CAP1: variants seen among roughly 807,000 people sequenced by gnomAD.
CAP1 encodes the protein cyclase associated actin cytoskeleton regulatory protein 1, also known as adenylyl cyclase-associated protein 1.
A neutral mutation model predicts 58.2 loss-of-function variants in CAP1; 11 were observed. The ratio of observed to expected loss-of-function variants is 0.19; its 90% confidence interval spans 0.12 to 0.31. CAP1 has a LOEUF of 0.31. CAP1 is among the 10% of genes least tolerant of loss of function. The pLI, the probability that CAP1 is intolerant of heterozygous loss-of-function variation, is 1.00. For missense variants in CAP1, 423 were observed against 587.5 expected, an observed-to-expected ratio of 0.72 and a Z score of 2.89; for synonymous variants, 183 against 213.8, an observed-to-expected ratio of 0.86 and a Z score of 1.26.
intron 3 of CAP1, 141 bp from the exon 4 acceptor site, chr1:40,061,594 G>A (rs898478769): frequency 1.4e-6 from 1 of 725,116 alleles, no homozygotes. Context: ...CTCAGTCCCT[G>A]GAATCTGGAA....
Position 40,072,252 on chromosome 1 carries a change from G to C in CAP1, c.*719G>C, listed in dbSNP as rs74332992. ...CTTCCTATAGAGATGACTTTAAAAG[G>C]AAAAAAAAAAAAAAAAAAACCCACA... On this transcript the variant is annotated 3_prime_UTR_variant, in exon 13 of 13. Coordinates refer to ENST00000372805, the MANE Select transcript of CAP1 (RefSeq NM_006367.4). 3.1e-5 allele frequency: 5 copies of C among 160,316 alleles called. No homozygotes were observed. Among genetic ancestry groups the C allele is most frequent in the East Asian group, 8.2e-5 (1 of 12,196 alleles). The allele number at this position is 160,316 out of a possible 1,614,324, so 9.9% of individuals were successfully genotyped here. A position where few individuals can be genotyped will look rare whatever the true frequency, so the allele number is the denominator to read the frequency against.
chr1:40,059,032 T>TTTTTTTTTTTTTTTTTTTTTTTTG (rs1553163419), intron 1 of CAP1, among the ~76,000 whole-genome samples: 1 of 152,022 alleles, frequency 6.6e-6, no homozygotes, highest in African/African-American at 2.4e-5. Flanking sequence ...TCTAACTTTC[T>TTTTTTTTTTTTTTTTTTTTTTTTG]ACACACAGTA....
intron 6 of CAP1, among the ~76,000 whole-genome samples, chr1:40,065,795 A>G (rs1647042794): frequency 6.6e-6 from 1 of 152,242 alleles, no homozygotes; most frequent in Non-Finnish European, 1.5e-5. Flanking sequence ...TAGTCTTTAG[A>G]GTTCCACAGT....
At position 40,064,685 on chromosome 1, in the gene CAP1, C is replaced by T. The variant is rs528249616; in HGVS notation, c.524+126C>T. The T allele has an allele frequency of 1.8e-4, 129 of 725,580 alleles. No homozygotes were observed. The African/African-American group carries it at 2.0e-3, about 11-fold the overall frequency. 44.9% of individuals were successfully genotyped at this position (725,580 alleles called of 1,614,324 possible). A position where few individuals can be genotyped will look rare whatever the true frequency, so the allele number is the denominator to read the frequency against. ...TCAACCTCCCAGCTCAAACAATCCTCCCACCTCAGTCCTCCAAGTAGCTGG... is the reference window on the plus strand; with the variant it reads ...TCAACCTCCCAGCTCAAACAATCCTTCCACCTCAGTCCTCCAAGTAGCTGG... On this transcript the variant is annotated intron_variant, in intron 6 of 12. Transcript: ENST00000372805.
At position 40,072,257 on chromosome 1, in the gene CAP1, A is replaced by AG. The variant is rs1648184794; in HGVS notation, c.*724_*725insG. On this transcript the variant is annotated 3_prime_UTR_variant, in exon 13 of 13. Transcript: ENST00000372805. Reference sequence around the variant, plus strand: ...TATAGAGATGACTTTAAAAGGAAAAAAAAAAAAAAAAAAACCCACATGATT... The same window carrying AG: ...TATAGAGATGACTTTAAAAGGAAAAAGAAAAAAAAAAAAAACCCACATGATT... 3.6e-6 allele frequency: 1 copy of AG among 279,674 alleles called. No individual in the cohort carries two copies. Among genetic ancestry groups the AG allele is most frequent in the East Asian group, 4.4e-5 (1 of 22,614 alleles). The allele number at this position is 279,674 out of a possible 1,614,324, so 17.3% of individuals were successfully genotyped here. A position where few individuals can be genotyped will look rare whatever the true frequency, so the allele number is the denominator to read the frequency against.
At chr1:40,070,347 A>C in intron 10 of CAP1, 65 bp downstream of exon 10, 2 of 1,610,362 alleles carry the variant, frequency 1.2e-6, no homozygotes, top group Non-Finnish European at 1.7e-6. Context: ...ATACCATTTT[A>C]CCTACCCTAT....
chr1:40,068,651 C>CT (rs967374413), intron 8 of CAP1, among the ~76,000 whole-genome samples: 16 of 151,552 alleles, frequency 1.1e-4, no homozygotes, highest in African/African-American at 3.9e-4. Context: ...AAAAAAAAAT[C>CT]TAGTATGTAA....
chr1:40,067,574 C>A lies in CAP1; in HGVS notation c.665C>A (p.Ser222Tyr). The A allele has an allele frequency of 6.2e-7, 1 of 1,610,566 alleles. No homozygotes were observed. Among genetic ancestry groups the A allele is most frequent in the Admixed American group, 1.7e-5 (1 of 59,394 alleles). The change falls in exon 8 of 13, where the codon TCT becomes TAT. Residue 222 changes from serine (S) to tyrosine (Y), a missense_variant. Coordinates refer to ENST00000372805, the MANE Select transcript of CAP1 (RefSeq NM_006367.4). Reference protein sequence around the residue: ...PVAKELSGLPSGPSAGSCPPP... With the variant: ...PVAKELSGLPYGPSAGSCPPP... ...GCAAAAGAACTGAGCGGACTGCCAT[C>A]TGGACCCTCTGCCGGATCATGTCCT...
chr1:40,071,842 C>T lies in CAP1; in HGVS notation c.*309C>T, dbSNP rs1391056341. On this transcript the variant is annotated 3_prime_UTR_variant, in exon 13 of 13. Coordinates refer to ENST00000372805, the MANE Select transcript of CAP1 (RefSeq NM_006367.4). ...TAGCTTTGAGCTTTTGGGGGTTATT[C>T]TACCAACAAACAGTCCATTGGAAAG... is the stretch of plus-strand genomic sequence containing the variant. 17 of 467,022 alleles carry T rather than the reference C, an allele frequency of 3.6e-5. No individual in the cohort carries two copies. The highest frequency in any genetic ancestry group is 5.3e-5 in the Non-Finnish European group (14 of 264,220). 28.9% of individuals were successfully genotyped at this position (467,022 alleles called of 1,614,324 possible). A position where few individuals can be genotyped will look rare whatever the true frequency, so the allele number is the denominator to read the frequency against.
chr1:40,064,694 G>A lies in CAP1; in HGVS notation c.524+135G>A, dbSNP rs1570412572. On this transcript the variant is annotated intron_variant, in intron 6 of 12. Transcript: ENST00000372805. ...CAGCTCAAACAATCCTCCCACCTCA[G>A]TCCTCCAAGTAGCTGGGACTTCAGG... The A allele has an allele frequency of 2.0e-5, 14 of 695,874 alleles. No homozygotes were observed. The East Asian group carries it at 3.8e-4, about 19-fold the overall frequency. 43.1% of individuals were successfully genotyped at this position (695,874 alleles called of 1,614,324 possible).
rs759083145 is a variant in CAP1 at position 40,070,327 on chromosome 1, G to A, written c.1117+45G>A. The A allele has an allele frequency of 5.2e-5, 84 of 1,613,008 alleles. No homozygotes were observed. The Middle Eastern group carries it at 6.6e-4, about 13-fold the overall frequency. On this transcript the variant is annotated intron_variant, in intron 10 of 12. Transcript: ENST00000372805. ...CCACGCAAGCCCCGTCCCAGAGCCC[G>A]AGAAGGCTAATACCATTTTACCTAC...
At chr1:40,069,947 T>A in intron 9 of CAP1, 73 bp downstream of exon 9, 1 of 1,460,116 alleles carries the variant, frequency 6.8e-7, no homozygotes, top group Non-Finnish European at 9.1e-7. Flanking sequence ...TTTCACTTTG[T>A]CGCCCAGGCT....
intron 4 of CAP1, 79 bp downstream of exon 4, chr1:40,061,891 AT>A: frequency 9.2e-7 from 1 of 1,086,646 alleles, no homozygotes. Context: ...CTATTATAAC[AT>A]TTTAAAATAG....
At chr1:40,065,133 A>G (rs1283512245) in intron 6 of CAP1, among the ~76,000 whole-genome samples, 2 of 152,232 alleles carry the variant, frequency 1.3e-5, no homozygotes, top group African/African-American at 2.4e-5. Context: ...GCTGGCAGTA[A>G]CATGGACTAA....
At position 40,066,243 on chromosome 1, in the gene CAP1, G is replaced by A; in HGVS notation, c.553G>A (p.Ala185Thr). Residue 185 changes from alanine (A) to threonine (T), a missense_variant, in exon 7 of 13, where the codon GCT becomes ACT. Transcript: ENST00000372805. ...VDKKHVDWVK[A>T]YLSIWTELQA... The stretch of plus-strand genomic sequence containing the variant: ...TAAGAAGCATGTAGACTGGGTCAAA[G>A]CTTATTTAAGTATATGGACAGAGCT... 1 of 1,608,888 alleles carries A rather than the reference G, an allele frequency of 6.2e-7. No individual in the cohort carries two copies. The highest frequency in any genetic ancestry group is 1.1e-5 in the South Asian group (1 of 90,934).
intron 1 of CAP1, among the ~76,000 whole-genome samples, chr1:40,052,636 C>T (rs1646426855): frequency 6.6e-6 from 1 of 152,050 alleles, no homozygotes; most frequent in Non-Finnish European, 1.5e-5. Flanking sequence ...TTAAGCCATC[C>T]TCCTGCCTTG....
intron 1 of CAP1, among the ~76,000 whole-genome samples, chr1:40,043,267 G>C (rs566020731): frequency 6.6e-6 from 1 of 152,024 alleles, no homozygotes; most frequent in Non-Finnish European, 1.5e-5. Flanking sequence ...GCACAATCTC[G>C]GGTCACTGAA....
intron 12 of CAP1, 27 bp from the exon 13 acceptor site, chr1:40,071,423 A>T (rs775846899): frequency 5.8e-6 from 9 of 1,538,492 alleles, no homozygotes; most frequent in Non-Finnish European, 7.2e-6. Context: ...CTCAGATTTA[A>T]ACCTGCTGTC....
At chr1:40,062,211 C>G (rs1450325050) in intron 4 of CAP1, among the ~76,000 whole-genome samples, 1 of 85,202 alleles carries the variant, frequency 1.2e-5, no homozygotes, top group Non-Finnish European at 2.8e-5. Context: ...TCATCCTTCA[C>G]TGGTTGGGAG....
Sources: gnomAD v4.1 joint callset for allele counts (sites outside exome capture counted in the v4.1 genomes callset) on GRCh38, gnomAD v4.1.1 for gene constraint, MANE v1.5 for transcripts, NCBI Gene and HGNC (gene_info 2026-07-23, HGNC 2026-07-21) for gene names.